PPP6R2: variants seen among roughly 807,000 people sequenced by gnomAD.
PPP6R2 encodes the protein protein phosphatase 6 regulatory subunit 2, also known as serine/threonine-protein phosphatase 6 regulatory subunit 2.
A neutral mutation model predicts 100.2 loss-of-function variants in PPP6R2; 62 were observed. The ratio of observed to expected loss-of-function variants is 0.62; its 90% confidence interval spans 0.50 to 0.76. PPP6R2 has a LOEUF of 0.76. Among genes scored for constraint, PPP6R2 ranks in the 30% least tolerant of loss-of-function variants. The pLI, the probability that PPP6R2 is intolerant of heterozygous loss-of-function variation, is 0.00. For missense variants in PPP6R2, 1,142 were observed against 1,276.3 expected (o/e 0.89, Z 1.60); for synonymous variants, 525 against 514.7 (o/e 1.02, Z -0.27).
chr22:50,441,280 G>C (rs2065543792), intron 22 of PPP6R2, among the ~76,000 whole-genome samples: 1 of 152,202 alleles, frequency 6.6e-6, no homozygotes, highest in South Asian at 2.1e-4. Context: ...TCTGTTGTGA[G>C]TGGTTAAGAC....
chr22:50,437,054 C>CT lies in PPP6R2; in HGVS notation c.1670dup (p.Ser558ValfsTer8). On this transcript the variant is annotated frameshift_variant, in exon 15 of 24. Transcript: ENST00000612753. LOFTEE classifies it high-confidence loss of function. ...CATTGAGGGTGCTTTCCCTAACGAG[C>CT]TGTCCCTTCAGCAGGTGAGGGCGTG... is the stretch of plus-strand genomic sequence containing the variant. The CT allele has an allele frequency of 6.4e-7, 1 of 1,561,190 alleles. No individual in the cohort carries two copies. Among genetic ancestry groups the CT allele is most frequent in the Non-Finnish European group, 8.7e-7 (1 of 1,153,176 alleles).
chr22:50,442,335 A>G (rs1450764015), intron 22 of PPP6R2, among the ~76,000 whole-genome samples: 4 of 152,216 alleles, frequency 2.6e-5, no homozygotes, highest in Non-Finnish European at 4.4e-5. Flanking sequence ...CCTGTTGACC[A>G]GCAGGCCCCG....
In PPP6R2 at chr22:50,444,842, G is replaced by T; in HGVS notation, c.*595G>T. 1 of 155,200 alleles carries T rather than the reference G, an allele frequency of 6.4e-6. No individual in the cohort carries two copies. Among genetic ancestry groups the T allele is most frequent in the Non-Finnish European group, 1.4e-5 (1 of 70,044 alleles). 9.6% of individuals were successfully genotyped at this position (155,200 alleles called of 1,614,324 possible). A position where few individuals can be genotyped will look rare whatever the true frequency, so the allele number is the denominator to read the frequency against. On this transcript the variant is annotated 3_prime_UTR_variant, in exon 24 of 24. Coordinates refer to ENST00000612753, the MANE Select transcript of PPP6R2 (RefSeq NM_001242898.2). Reference sequence around the variant, plus strand: ...GCCTTAAAAACACAAGGCCCTCTAGGCCTGGCAGGGATGTCCCTGTGCCCA... The same window carrying T: ...GCCTTAAAAACACAAGGCCCTCTAGTCCTGGCAGGGATGTCCCTGTGCCCA...
intron 2 of PPP6R2, among the ~76,000 whole-genome samples, chr22:50,377,742 C>T (rs539319694): frequency 6.6e-5 from 10 of 152,280 alleles, no homozygotes; most frequent in Admixed American, 1.3e-4. Flanking sequence ...GGCGCGGTGG[C>T]TGACGCCTGT....
At position 50,444,393 on chromosome 22, in the gene PPP6R2, T is replaced by C. The variant is rs888706281; in HGVS notation, c.*146T>C. ...TGGTAAAGCTGGCAGTTGAAACCAG[T>C]TGGACGGCCCAGCTTGCGTCTCTTC... is the stretch of plus-strand genomic sequence containing the variant. On this transcript the variant is annotated 3_prime_UTR_variant, in exon 24 of 24. Coordinates refer to ENST00000612753, the MANE Select transcript of PPP6R2 (RefSeq NM_001242898.2). The C allele has an allele frequency of 1.6e-5, 18 of 1,104,800 alleles. No homozygotes were observed. Among genetic ancestry groups the C allele is most frequent in the Middle Eastern group, 5.9e-4 (2 of 3,410 alleles). The allele number at this position is 1,104,800 out of a possible 1,614,324, so 68.4% of individuals were successfully genotyped here.
In PPP6R2 at chr22:50,423,468, G is replaced by C; in HGVS notation, c.979G>C (p.Ala327Pro). 1 of 1,614,208 alleles carries C rather than the reference G, an allele frequency of 6.2e-7. No individual in the cohort carries two copies. Among genetic ancestry groups the C allele is most frequent in the Non-Finnish European group, 8.5e-7 (1 of 1,180,036 alleles). ...QLLLNPPKKK[A>P]ILTTIGVLEE... is the part of the protein sequence containing the mutation. Reference sequence around the variant, plus strand: ...GTGCCTTCTGTGTTTGCAGAAGAAAGCGATCCTGACCACCATTGGTGTGCT... The same window carrying C: ...GTGCCTTCTGTGTTTGCAGAAGAAACCGATCCTGACCACCATTGGTGTGCT... The change falls in exon 10 of 24, where the codon GCG (alanine) becomes CCG (proline). Residue 327 changes from alanine (A) to proline (P), a missense_variant. This residue lies in a region of PPP6R2 where 592 missense variants were observed against 758.9 expected (regional missense o/e 0.78). Coordinates refer to ENST00000612753, the MANE Select transcript of PPP6R2 (RefSeq NM_001242898.2). This position sits in a 1 kb window ranked among gnomAD's most constrained non-coding sequence, Gnocchi z 4.8.
intron 2 of PPP6R2, among the ~76,000 whole-genome samples, chr22:50,383,781 A>G (rs117697857): frequency 0.014 from 2,104 of 152,240 alleles, 23 homozygotes; most frequent in Non-Finnish European, 0.022. Context: ...TCATGACTGT[A>G]ATTGCAGCAC....
chr22:50,337,519 T>C, the PPP6R2 span, among the ~76,000 whole-genome samples: 3 of 144,034 alleles, frequency 2.1e-5, 1 homozygote. Context: ...GTGGGGTGTG[T>C]GCGTGTGTGT....
chr22:50,435,086 G>A lies in PPP6R2; in HGVS notation c.1516+5G>A, dbSNP rs573941152. 1.3e-6 allele frequency: 2 copies of A among 1,529,594 alleles called. No individual in the cohort carries two copies. Among genetic ancestry groups the A allele is most frequent in the East Asian group, 2.4e-5 (1 of 41,932 alleles). 94.8% of individuals were successfully genotyped at this position (1,529,594 alleles called of 1,614,324 possible). ...ACATCAGCGAGGTCATCCGAGGTGAGCCCCCAACCCGGTCATCCTTCTGCT... is the reference window on the plus strand; with the variant it reads ...ACATCAGCGAGGTCATCCGAGGTGAACCCCCAACCCGGTCATCCTTCTGCT... On this transcript the variant is annotated splice_donor_5th_base_variant and intron_variant, in intron 13 of 23. Transcript: ENST00000612753.
rs781563185 is a variant in PPP6R2 at position 50,439,698 on chromosome 22, C to G, written c.2129-3C>G. On this transcript the variant is annotated splice_polypyrimidine_tract_variant and splice_region_variant and intron_variant, in intron 19 of 23. Coordinates refer to ENST00000612753, the MANE Select transcript of PPP6R2 (RefSeq NM_001242898.2). ...CCTGACCACTGTGTCTCTCCCCCAG[C>G]AGGCGCCATGTGGACGGCAGTGTTT... The G allele has an allele frequency of 6.3e-7, 1 of 1,580,416 alleles. No homozygotes were observed. The highest frequency in any genetic ancestry group is 8.6e-7 in the Non-Finnish European group (1 of 1,162,030).
intron 17 of PPP6R2, 134 bp from the exon 18 acceptor site, chr22:50,438,040 T>G: frequency 2.0e-6 from 3 of 1,492,440 alleles, no homozygotes; most frequent in Non-Finnish European, 2.7e-6. Context: ...TCGCTTTCCT[T>G]GCCCCTCCCC....
At chr22:50,430,835 C>CTT (rs1255442097) in intron 10 of PPP6R2, among the ~76,000 whole-genome samples, 4 of 147,168 alleles carry the variant, frequency 2.7e-5, no homozygotes, top group Non-Finnish European at 5.9e-5. Context: ...GATCGTGCCA[C>CTT]TGCACTCTAG....
intron 13 of PPP6R2, 23 bp from the exon 14 acceptor site, chr22:50,436,344 A>G: frequency 6.4e-7 from 1 of 1,556,616 alleles, no homozygotes; most frequent in Non-Finnish European, 8.7e-7. Flanking sequence ...CCCAGGGCTC[A>G]CCAGGCAGCA....
At chr22:50,376,600 T>C (rs1453405402) in intron 2 of PPP6R2, among the ~76,000 whole-genome samples, 1 of 151,986 alleles carries the variant, frequency 6.6e-6, no homozygotes, top group Non-Finnish European at 1.5e-5. Flanking sequence ...TTCTTTGTAT[T>C]TTTTGTAAAA....
chr22:50,405,329 C>A (rs1391699648), intron 3 of PPP6R2, among the ~76,000 whole-genome samples: 1 of 123,582 alleles, frequency 8.1e-6, no homozygotes, highest in African/African-American at 2.9e-5. Flanking sequence ...AGGTGAGAGG[C>A]CTGGCAGGCG....
upstream of PPP6R2, among the ~76,000 whole-genome samples, chr22:50,342,797 C>G (rs2042548965): frequency 6.6e-6 from 1 of 152,190 alleles, no homozygotes; most frequent in Non-Finnish European, 1.5e-5. Context: ...CTGGAGAAAA[C>G]TGTCTGGAGG....
intron 2 of PPP6R2, among the ~76,000 whole-genome samples, chr22:50,380,370 T>G: frequency 7.2e-6 from 1 of 139,184 alleles, no homozygotes; most frequent in East Asian, 2.2e-4. Flanking sequence ...ACGCCTGATG[T>G]TTTTTTTTTT....
At chr22:50,436,213 C>T (rs113387679) in intron 13 of PPP6R2, among the ~76,000 whole-genome samples, 154 bp from the exon 14 acceptor site, 4 of 152,368 alleles carry the variant, frequency 2.6e-5, no homozygotes, top group African/African-American at 9.6e-5. Flanking sequence ...CTTTCTCATC[C>T]GGCAAAGCCC....
At position 50,424,842 on chromosome 22, in the gene PPP6R2, G is replaced by A. The variant is rs572710245; in HGVS notation, c.1125+1228G>A. On this transcript the variant is annotated intron_variant, in intron 10 of 23. Coordinates refer to ENST00000612753, the MANE Select transcript of PPP6R2 (RefSeq NM_001242898.2). ...TTTTTAGTAGAGACGGGGTTTCACC[G>A]TGTTGGCCAGGATGGTCTCAAACTC... is the stretch of plus-strand genomic sequence containing the variant. 1.1e-4 allele frequency among the ~76,000 whole-genome samples: 17 copies of A among 151,858 alleles called. No homozygotes were observed. The East Asian group carries it at 1.9e-3, about 17-fold the overall frequency.
Sources: allele counts gnomAD v4.1 joint callset (sites outside exome capture counted in the v4.1 genomes callset), GRCh38; gene constraint gnomAD v4.1.1; regional missense constraint gnomAD v4.1.1; non-coding constraint Gnocchi (gnomAD v3.1); transcripts MANE v1.5; gene names NCBI Gene and HGNC (gene_info 2026-07-23, HGNC 2026-07-21).